Variants in PIRT observed in about 807,000 individuals in gnomAD.
The protein encoded by PIRT is phosphoinositide-interacting protein.
Under a neutral mutation model 7.9 loss-of-function variants are expected in PIRT, and 6 were observed. The observed-to-expected ratio is 0.76, with a 90% CI of 0.42 to 1.51. The LOEUF is 1.51. Among genes scored for constraint, PIRT ranks in the 40% most tolerant of loss-of-function variants. The probability of loss-of-function intolerance (pLI) is 0.01; values close to 1 mark genes in which losing one functional copy is unlikely to be tolerated. For synonymous variants in PIRT, 78 were observed against 71.8 expected (o/e 1.09, Z -0.44); for missense variants, 170 against 172.9 (o/e 0.98, Z 0.09).
At chr17:10,830,726 A>G (rs907916231) in intron 1 of PIRT, among the ~76,000 whole-genome samples, 1 of 152,186 alleles carries the variant, frequency 6.6e-6, no homozygotes, top group Non-Finnish European at 1.5e-5. Context: ...TCACCAATTC[A>G]TGGGCTGTAG....
chr17:10,831,279 C>A (rs1341214335), intron 1 of PIRT, among the ~76,000 whole-genome samples: 2 of 152,178 alleles, frequency 1.3e-5, no homozygotes, highest in African/African-American at 4.8e-5. Context: ...CCTTCACTCA[C>A]TGTAGGGAGT....
intron 1 of PIRT, among the ~76,000 whole-genome samples, chr17:10,831,585 C>T (rs973386776): frequency 6.6e-6 from 1 of 152,184 alleles, no homozygotes; most frequent in African/African-American, 2.4e-5. Flanking sequence ...AATTCTCCCT[C>T]TGAGCCTCTG....
At chr17:10,827,079 T>C (rs1905338836) in intron 1 of PIRT, among the ~76,000 whole-genome samples, 1 of 152,152 alleles carries the variant, frequency 6.6e-6, no homozygotes. Context: ...CCCAAAGTGC[T>C]GGGATTACAA....
rs543979233 is a variant in PIRT, at chr17:10,827,462, TTTC to T, written c.-138-1682_-138-1680del. ...ATTTCTTTCTTTTCTTTCTTTTTCT[TTTC>T]TTTTTTTTTTTTTTTTTTTTTTTTT... On this transcript the variant is annotated intron_variant, in intron 1 of 1. Coordinates refer to ENST00000580256, the MANE Select transcript of PIRT (RefSeq NM_001101387.2). Among the ~76,000 whole-genome samples the T allele has an allele frequency of 1.9e-3, 251 of 132,436 alleles. 3 individuals carry two copies. Among genetic ancestry groups the T allele is most frequent in the African/African-American group, 7.3e-3 (237 of 32,274 alleles). 86.9% of individuals were successfully genotyped at this position (132,436 alleles called of 152,430 possible).
chr17:10,835,834 G>A (rs2074278705), intron 1 of PIRT, among the ~76,000 whole-genome samples: 1 of 152,000 alleles, frequency 6.6e-6, no homozygotes, highest in South Asian at 2.1e-4. Context: ...CTTTAGGAGG[G>A]TAATACTATT....
intron 1 of PIRT, among the ~76,000 whole-genome samples, chr17:10,834,126 A>G (rs1301855449): frequency 6.6e-6 from 1 of 152,202 alleles, no homozygotes; most frequent in Admixed American, 6.5e-5. Flanking sequence ...GCATGTCTGC[A>G]AAAAGACTTC....
chr17:10,829,475 C>T lies in PIRT; in HGVS notation c.-138-3692G>A, dbSNP rs563290890. On this transcript the variant is annotated intron_variant, in intron 1 of 1. Coordinates refer to ENST00000580256, the MANE Select transcript of PIRT (RefSeq NM_001101387.2). Reference sequence around the variant, plus strand: ...CTTCTTTCTGGCTCTGCAACGCGGTCGCTAGTTCAGTCTCATTTTCTAGGG... The same window carrying T: ...CTTCTTTCTGGCTCTGCAACGCGGTTGCTAGTTCAGTCTCATTTTCTAGGG... 2.0e-5 allele frequency among the ~76,000 whole-genome samples: 3 copies of T among 152,266 alleles called. No individual in the cohort carries two copies. In the South Asian group the frequency reaches 6.2e-4, roughly 32 times the overall value.
chr17:10,835,842 A>G (rs1905575864), intron 1 of PIRT, among the ~76,000 whole-genome samples: 1 of 151,148 alleles, frequency 6.6e-6, no homozygotes, highest in African/African-American at 2.4e-5. Context: ...GGGTAATACT[A>G]TTATCATTCC....
At chr17:10,833,452 CA>C (rs1303802533) in intron 1 of PIRT, among the ~76,000 whole-genome samples, 13 of 152,102 alleles carry the variant, frequency 8.5e-5, no homozygotes, top group South Asian at 4.2e-4. Flanking sequence ...AAAATATTTA[CA>C]AAATATGTAT....
intron 1 of PIRT, among the ~76,000 whole-genome samples, chr17:10,827,393 C>A (rs556372780): frequency 1.1e-4 from 17 of 152,052 alleles, no homozygotes; most frequent in African/African-American, 4.1e-4. Flanking sequence ...AAATACTTCA[C>A]CAGACCAGTG....
At chr17:10,829,115 C>G (rs1324183091) in intron 1 of PIRT, among the ~76,000 whole-genome samples, 1 of 152,214 alleles carries the variant, frequency 6.6e-6, no homozygotes, top group Non-Finnish European at 1.5e-5. Flanking sequence ...TTACTGCAAC[C>G]TGGTCTCATA....
intron 1 of PIRT, among the ~76,000 whole-genome samples, chr17:10,828,483 T>C (rs942210623): frequency 2.6e-5 from 4 of 152,164 alleles, no homozygotes; most frequent in Non-Finnish European, 5.9e-5. Context: ...CAAATATCTC[T>C]ATTTATGAGT....
chr17:10,825,667 T>C lies in PIRT; in HGVS notation c.-22A>G, dbSNP rs900231547. On this transcript the variant is annotated 5_prime_UTR_variant, in exon 2 of 2. It removes the in-frame stop codon of an upstream open reading frame in the 5' UTR. Coordinates refer to ENST00000580256, the MANE Select transcript of PIRT (RefSeq NM_001101387.2). ...TCATGGTTGCTCAGGACTGGGCGCC[T>C]AGGACCAGCAATAGTTGGAAACAAG... 2.8e-6 allele frequency: 4 copies of C among 1,453,192 alleles called. No homozygotes were observed. Among genetic ancestry groups the C allele is most frequent in the Non-Finnish European group, 3.6e-6 (4 of 1,100,914 alleles). The allele number at this position is 1,453,192 out of a possible 1,614,324, so 90.0% of individuals were successfully genotyped here. A position where few individuals can be genotyped will look rare whatever the true frequency, so the allele number is the denominator to read the frequency against.
rs774787846 is a variant in PIRT, at chr17:10,825,263, C to T, written c.383G>A (p.Arg128His). The change falls in exon 2 of 2, where the codon CGC becomes CAC. Residue 128 changes from arginine to histidine, a missense_variant. Physicochemically the swap from Arg to His is conservative, Grantham distance 29. Transcript: ENST00000580256. ...QKHRQKSNFL[R>H]SLKSFFLTR is the part of the protein sequence containing the mutation. ...AGTCAGGAAGAAGGACTTGAGGCTGCGTAAGAAATTCGACTTCTGTCTGTG... is the reference window on the plus strand; with the variant it reads ...AGTCAGGAAGAAGGACTTGAGGCTGTGTAAGAAATTCGACTTCTGTCTGTG... 15 of 1,613,934 alleles carry T rather than the reference C, an allele frequency of 9.3e-6. No individual in the cohort carries two copies. The highest frequency in any genetic ancestry group is 3.3e-5 in the Admixed American group (2 of 60,014).
Position 10,825,448 on chromosome 17 carries a change from C to T in PIRT, c.198G>A (p.Leu66=). Residue 66 remains leucine, a synonymous_variant, in exon 2 of 2, where the codon CTG becomes CTA. Transcript: ENST00000580256. The stretch of plus-strand genomic sequence containing the variant: ...AGCAGGTGATGACCACGCCGAAAAG[C>T]AGGATGGCACCGCCCACTGACATGA... ...IVIMSVGGAI[L]LFGVVITCLA... is the part of the protein sequence containing the mutation. 1 of 1,613,978 alleles carries T rather than the reference C, an allele frequency of 6.2e-7. No individual in the cohort carries two copies. The highest frequency in any genetic ancestry group is 8.5e-7 in the Non-Finnish European group (1 of 1,179,882).
intron 1 of PIRT, among the ~76,000 whole-genome samples, chr17:10,826,533 C>T (rs1447214888): frequency 6.6e-6 from 1 of 152,190 alleles, no homozygotes; most frequent in Non-Finnish European, 1.5e-5. Flanking sequence ...GCATGTGTGT[C>T]CTGTGCCAGA....
At chr17:10,829,955 A>ACGTC (rs1555543404) in intron 1 of PIRT, among the ~76,000 whole-genome samples, 107 of 145,256 alleles carry the variant, frequency 7.4e-4, no homozygotes, top group African/African-American at 2.5e-3. Flanking sequence ...CACTATGTAG[A>ACGTC]TGTCTGTCTG....
chr17:10,828,451 G>T (rs1264624208), intron 1 of PIRT, among the ~76,000 whole-genome samples: 1 of 152,094 alleles, frequency 6.6e-6, no homozygotes, highest in African/African-American at 2.4e-5. Flanking sequence ...GCTACTCAAC[G>T]CCCCACTCAT....
chr17:10,826,868 A>G (rs1905330291), intron 1 of PIRT, among the ~76,000 whole-genome samples: 1 of 151,852 alleles, frequency 6.6e-6, no homozygotes, highest in Non-Finnish European at 1.5e-5. Context: ...GCAGGAGTGC[A>G]ATGGCGTGAT....
Sources: allele counts gnomAD v4.1 joint callset (sites outside exome capture counted in the v4.1 genomes callset), GRCh38; gene constraint gnomAD v4.1.1; transcripts MANE v1.5; gene names NCBI Gene and HGNC (gene_info 2026-07-23, HGNC 2026-07-21).